Variants in ITGAE observed in about 807,000 individuals in gnomAD.
The protein encoded by ITGAE is integrin alpha-E.
A neutral mutation model predicts 136.5 loss-of-function variants in ITGAE; 99 were observed. That is an observed-to-expected ratio of 0.73 (90% CI 0.62 to 0.86). The LOEUF (loss-of-function observed/expected upper bound fraction) is 0.86. Among genes scored for constraint, ITGAE ranks in the 40% least tolerant of loss-of-function variants. ITGAE has a pLI of 0.00. For missense variants in ITGAE, 1,447 were observed against 1,515.3 expected (o/e 0.95, Z 0.75); for synonymous variants, 613 against 591.8 (o/e 1.04, Z -0.52).
intron 1 of ITGAE, among the ~76,000 whole-genome samples, chr17:3,793,973 CTTTTT>C (rs5818917): frequency 6.2e-5 from 5 of 81,194 alleles, no homozygotes; most frequent in Admixed American, 1.5e-4. Flanking sequence ...CCTCTTCATC[CTTTTT>C]TTTTTTTTTT....
At chr17:3,757,900 A>G (rs2052069484) in intron 8 of ITGAE, 41 bp from the exon 9 acceptor site, 2 of 1,609,002 alleles carry the variant, frequency 1.2e-6, no homozygotes, top group Non-Finnish European at 1.7e-6. Context: ...GCTTTGCCAG[A>G]AGGATGACCG....
intron 1 of ITGAE, among the ~76,000 whole-genome samples, chr17:3,782,174 C>G (rs938411792): frequency 1.2e-4 from 18 of 147,010 alleles, no homozygotes; most frequent in African/African-American, 4.3e-4. Flanking sequence ...ACTCGGGAGG[C>G]TGACAAGGGA....
chr17:3,779,402 AC>A (rs2052614004), intron 1 of ITGAE, among the ~76,000 whole-genome samples: 1 of 151,630 alleles, frequency 6.6e-6, no homozygotes, highest in Non-Finnish European at 1.5e-5. Flanking sequence ...ATCTTGGCTC[AC>A]TACAACTTCT....
chr17:3,739,397 T>G (rs911571023), intron 20 of ITGAE, among the ~76,000 whole-genome samples: 18 of 152,176 alleles, frequency 1.2e-4, no homozygotes, highest in African/African-American at 2.4e-5. Context: ...TGGCACAAAG[T>G]AGATGGTCCA....
chr17:3,745,793 C>T lies in ITGAE; in HGVS notation c.2290G>A (p.Asp764Asn). 1.2e-6 allele frequency: 2 copies of T among 1,614,104 alleles called. No individual in the cohort carries two copies. The highest frequency in any genetic ancestry group is 8.5e-7 in the Non-Finnish European group (1 of 1,180,024). Residue 764 changes from aspartate (D) to asparagine (N), a missense_variant, in exon 18 of 31, where the codon GAC becomes AAC. This residue lies in a region of ITGAE where 1,031 missense variants were observed against 1,011.4 expected (regional missense o/e 1.02). Transcript: ENST00000263087. ...CCCTCTGTGGGCATGAGCAGGAGGT[C>T]CTCACAAAGCTGGGATCCGCTGCTC... ...EWSSGSQLCEDLLLMPTEGEL... is the reference protein window; with the variant it reads ...EWSSGSQLCENLLLMPTEGEL...
At chr17:3,743,712 T>TC (rs2051643751) in intron 18 of ITGAE, 95 bp from the exon 19 acceptor site, 4 of 1,365,894 alleles carry the variant, frequency 2.9e-6, no homozygotes, top group African/African-American at 1.6e-5. Flanking sequence ...TTTCTTTTTT[T>TC]TTTTTTTTGA....
rs377226605 is a variant in ITGAE, at chr17:3,799,031, C to G, written c.34+2080G>C. ...AGTGGAAGGTCAGGGCCAGGCCAGG[C>G]CAGTCCTGGATTCTCTCCAGCCTAA... On this transcript the variant is annotated intron_variant, in intron 1 of 30. Coordinates refer to ENST00000263087, the MANE Select transcript of ITGAE (RefSeq NM_002208.5). The surrounding 1 kb of genome is among the most constrained non-coding windows in gnomAD (Gnocchi z 4.1). Among the ~76,000 whole-genome samples the G allele has an allele frequency of 6.6e-6, 1 of 152,136 alleles. No homozygotes were observed. Among genetic ancestry groups the G allele is most frequent in the African/African-American group, 2.4e-5 (1 of 41,422 alleles).
At chr17:3,743,805 C>T (rs552610031) in intron 18 of ITGAE, among the ~76,000 whole-genome samples, 188 bp from the exon 19 acceptor site, 12 of 144,216 alleles carry the variant, frequency 8.3e-5, no homozygotes, top group Middle Eastern at 3.8e-3. Flanking sequence ...CGGGTTCAAG[C>T]GATTCTCCTA....
chr17:3,792,428 T>G (rs903777250), intron 1 of ITGAE, among the ~76,000 whole-genome samples: 2 of 152,238 alleles, frequency 1.3e-5, no homozygotes, highest in Non-Finnish European at 2.9e-5. Context: ...GATATCTATA[T>G]TTTATTCCTT....
At chr17:3,762,941 G>A (rs2052210800) in intron 3 of ITGAE, among the ~76,000 whole-genome samples, 1 of 151,684 alleles carries the variant, frequency 6.6e-6, no homozygotes, top group Admixed American at 6.6e-5. Context: ...TGCCCAGGCT[G>A]GAGTCCAGTG....
intron 22 of ITGAE, among the ~76,000 whole-genome samples, chr17:3,731,537 T>C (rs1377950650): frequency 6.6e-6 from 1 of 151,544 alleles, no homozygotes; most frequent in Non-Finnish European, 1.5e-5. Flanking sequence ...AGACGGGGTT[T>C]CACCATGTTG....
At chr17:3,778,677 T>C (rs962720597) in intron 1 of ITGAE, among the ~76,000 whole-genome samples, 31 of 152,242 alleles carry the variant, frequency 2.0e-4, no homozygotes, top group African/African-American at 7.5e-4. Flanking sequence ...TCATGAATTC[T>C]ATTTTATTCA....
At chr17:3,776,630 C>T (rs1475277391) in intron 2 of ITGAE, among the ~76,000 whole-genome samples, 3 of 152,018 alleles carry the variant, frequency 2.0e-5, no homozygotes, top group Non-Finnish European at 4.4e-5. Flanking sequence ...GCAATCACGG[C>T]TCCCTACAGC....
intron 9 of ITGAE, 53 bp from the exon 10 acceptor site, chr17:3,757,187 C>T: frequency 5.7e-6 from 9 of 1,590,724 alleles, no homozygotes; most frequent in Non-Finnish European, 6.9e-6. Flanking sequence ...TCCCCAGGCC[C>T]AGGGAGAGAG....
At chr17:3,741,309 G>C (rs1171992711) in intron 19 of ITGAE, among the ~76,000 whole-genome samples, 2 of 149,584 alleles carry the variant, frequency 1.3e-5, no homozygotes, top group Non-Finnish European at 3.0e-5. Flanking sequence ...GGATGGTCTC[G>C]ATCTCCTGAC....
chr17:3,761,621 A>C, intron 4 of ITGAE, 101 bp from the exon 5 acceptor site: 2 of 1,113,204 alleles, frequency 1.8e-6, no homozygotes, highest in Non-Finnish European at 1.3e-6. Flanking sequence ...TGGCTCAACC[A>C]GGCAGGGGGC....
chr17:3,788,619 G>A (rs894451961), intron 1 of ITGAE, among the ~76,000 whole-genome samples: 10 of 149,500 alleles, frequency 6.7e-5, no homozygotes, highest in Admixed American at 6.7e-5. Flanking sequence ...TCTTGATACG[G>A]GTGTGACTTA....
intron 1 of ITGAE, among the ~76,000 whole-genome samples, chr17:3,800,024 CAGG>C (rs2053212872): frequency 6.6e-6 from 1 of 152,154 alleles, no homozygotes; most frequent in African/African-American, 2.4e-5. Context: ...GAGGCTGAGG[CAGG>C]AGAACTGCTT....
At chr17:3,788,706 AATT>A (rs1486546733) in intron 1 of ITGAE, among the ~76,000 whole-genome samples, 32 of 140,782 alleles carry the variant, frequency 2.3e-4, no homozygotes, top group African/African-American at 4.3e-4. Flanking sequence ...TAAAAATAAT[AATT>A]ATTAAAATAA....
Sources: allele counts gnomAD v4.1 joint callset (sites outside exome capture counted in the v4.1 genomes callset), GRCh38; gene constraint gnomAD v4.1.1; regional missense constraint gnomAD v4.1.1; non-coding constraint Gnocchi (gnomAD v3.1); transcripts MANE v1.5; gene names NCBI Gene and HGNC (gene_info 2026-07-23, HGNC 2026-07-21).